Variants in CFAP36 observed in about 807,000 individuals in gnomAD.
The protein encoded by CFAP36 is cilia- and flagella-associated protein 36.
A neutral mutation model predicts 50.5 loss-of-function variants in CFAP36; 37 were observed. The ratio of observed to expected loss-of-function variants is 0.73; its 90% CI spans 0.56 to 0.96. The LOEUF is 0.96. CFAP36 is among the 50% of genes least tolerant of loss of function. CFAP36 has a pLI of 0.00. For synonymous variants in CFAP36, 138 were observed against 128.2 expected (o/e 1.08, Z -0.52); for missense variants, 407 against 396.2 (o/e 1.03, Z -0.23).
intron 4 of CFAP36, chr2:55,531,140 G>T (rs1320122634): frequency 2.0e-5 from 3 of 152,190 alleles, no homozygotes; most frequent in Non-Finnish European, 4.4e-5. Context: ...ATGACATAGT[G>T]CTATTACTTT....
intron 5 of CFAP36, among the ~76,000 whole-genome samples, chr2:55,535,507 G>T (rs1684457295): frequency 1.3e-5 from 2 of 152,158 alleles, no homozygotes; most frequent in African/African-American, 4.8e-5. Context: ...TGTATTTTGT[G>T]TTACTAACTG....
intron 7 of CFAP36, among the ~76,000 whole-genome samples, chr2:55,538,508 G>C (rs571700379): frequency 6.6e-6 from 1 of 152,000 alleles, no homozygotes; most frequent in East Asian, 1.9e-4. Context: ...TGGTCAGGCT[G>C]GTCTCGAACT....
At chr2:55,542,339 C>T (rs959540758) in intron 7 of CFAP36, among the ~76,000 whole-genome samples, 5 of 152,040 alleles carry the variant, frequency 3.3e-5, no homozygotes, top group East Asian at 3.8e-4. Context: ...TTTTCAAATG[C>T]GCATATCTGA....
chr2:55,537,751 C>T (rs1019842973), intron 7 of CFAP36, among the ~76,000 whole-genome samples, 166 bp downstream of exon 7: 14 of 152,172 alleles, frequency 9.2e-5, no homozygotes, highest in Non-Finnish European at 1.5e-4. Context: ...AGGTTGCAGA[C>T]GAGATACTGA....
chr2:55,529,908 C>T (rs146774714), intron 4 of CFAP36, among the ~76,000 whole-genome samples: 1,660 of 152,216 alleles, frequency 0.011, 17 homozygotes, highest in Non-Finnish European at 0.018. Context: ...GGCCTCCCAA[C>T]GTGGCCGGAA....
intron 7 of CFAP36, among the ~76,000 whole-genome samples, chr2:55,538,351 A>G (rs982571069): frequency 4.7e-5 from 7 of 147,394 alleles, no homozygotes; most frequent in African/African-American, 1.5e-4. Flanking sequence ...CTAGAGTGCA[A>G]TGGTGTGATC....
chr2:55,541,470 G>C lies in CFAP36; in HGVS notation c.641-2468G>C, dbSNP rs559100035. Among the ~76,000 whole-genome samples the C allele has an allele frequency of 2.0e-5, 3 of 152,298 alleles. No individual in the cohort carries two copies. In the South Asian group the frequency reaches 6.2e-4, roughly 32 times the overall value. ...ATCTAAGTATTTCATTTTTAGGGGTGCTGTGCTAATGTAAATGGTATTTTT... is the reference window on the plus strand; with the variant it reads ...ATCTAAGTATTTCATTTTTAGGGGTCCTGTGCTAATGTAAATGGTATTTTT... On this transcript the variant is annotated intron_variant, in intron 7 of 9. Transcript: ENST00000349456.
chr2:55,544,263 A>G lies in CFAP36; in HGVS notation c.821A>G (p.His274Arg), dbSNP rs1415384905. 6.2e-7 allele frequency: 1 copy of G among 1,613,960 alleles called. No individual in the cohort carries two copies. Among genetic ancestry groups the G allele is most frequent in the South Asian group, 1.1e-5 (1 of 91,066 alleles). The change falls in exon 9 of 10, where the codon CAC (histidine) becomes CGC (arginine). Residue 274 changes from histidine to arginine, a missense_variant. Coordinates refer to ENST00000349456, the MANE Select transcript of CFAP36 (RefSeq NM_080667.7). ...LGTEELRQRE[H>R]YLKQKRDKLM... is the part of the protein sequence containing the mutation. ...ACAGAAGAACTTCGGCAACGAGAAC[A>G]CTATCTCAAGCAGAAGAGAGATAAG...
chr2:55,524,128 T>C (rs1684141124), intron 3 of CFAP36, among the ~76,000 whole-genome samples: 1 of 152,228 alleles, frequency 6.6e-6, no homozygotes, highest in Non-Finnish European at 1.5e-5. Flanking sequence ...GTTGCTCCTT[T>C]TATAATTTTA....
chr2:55,533,961 G>C lies in CFAP36; in HGVS notation c.485+1G>C, dbSNP rs1293654457. 14 of 1,575,304 alleles carry C rather than the reference G, an allele frequency of 8.9e-6. No individual in the cohort carries two copies. The highest frequency in any genetic ancestry group is 1.2e-5 in the Non-Finnish European group (14 of 1,147,812). ...TGAAAATCCTGAGGGAAGTTCTTAG[G>C]TACCATTCTTTAATTGTTTTTTAAA... On this transcript the variant is annotated splice_donor_variant, in intron 5 of 9. Transcript: ENST00000349456. LOFTEE classifies it high-confidence loss of function.
At chr2:55,524,069 G>GTT (rs1194965873) in intron 3 of CFAP36, among the ~76,000 whole-genome samples, 1 of 152,158 alleles carries the variant, frequency 6.6e-6, no homozygotes, top group Admixed American at 6.6e-5. Flanking sequence ...AGATCACAGG[G>GTT]TTTATACAAA....
At chr2:55,532,194 C>T (rs1026745079) in intron 4 of CFAP36, among the ~76,000 whole-genome samples, 22 of 150,606 alleles carry the variant, frequency 1.5e-4, no homozygotes, top group African/African-American at 5.4e-4. Flanking sequence ...AGAGCAAGAC[C>T]CTGTCTCAAA....
intron 3 of CFAP36, among the ~76,000 whole-genome samples, chr2:55,524,599 T>C (rs1684152777): frequency 6.6e-6 from 1 of 152,152 alleles, no homozygotes; most frequent in South Asian, 2.1e-4. Flanking sequence ...CTTGTGCTAA[T>C]TGATATTTTG....
chr2:55,526,041 A>G (rs1684199768), intron 3 of CFAP36, among the ~76,000 whole-genome samples: 1 of 152,132 alleles, frequency 6.6e-6, no homozygotes, highest in African/African-American at 2.4e-5. Context: ...ATGCGGAGAA[A>G]TCCTCATTAT....
intron 3 of CFAP36, among the ~76,000 whole-genome samples, chr2:55,526,878 A>T (rs2103639730): frequency 6.6e-6 from 1 of 152,296 alleles, no homozygotes; most frequent in Non-Finnish European, 1.5e-5. Context: ...AAATACAAGA[A>T]TTAGCTGGGC....
At chr2:55,531,835 TG>T (rs1479350731) in intron 4 of CFAP36, among the ~76,000 whole-genome samples, 1 of 152,176 alleles carries the variant, frequency 6.6e-6, no homozygotes, top group Non-Finnish European at 1.5e-5. Flanking sequence ...GTCACTCTCC[TG>T]GGATTGGGGA....
chr2:55,522,102 T>G lies in CFAP36; in HGVS notation c.116T>G (p.Val39Gly), dbSNP rs930736827. ...ATGTAATATTTTCTTTTAAATTTAG[T>G]TTTTGATGATGAAGAAGAAAGCAAA... ...ILDFVEQKCEVFDDEEESKLT... is the reference protein window; with the variant it reads ...ILDFVEQKCEGFDDEEESKLT... Residue 39 changes from valine to glycine, a missense_variant and splice_region_variant, in exon 2 of 10, where the codon GTT becomes GGT. Coordinates refer to ENST00000349456, the MANE Select transcript of CFAP36 (RefSeq NM_080667.7). The G allele has an allele frequency of 1.4e-6, 2 of 1,459,572 alleles. No individual in the cohort carries two copies. The highest frequency in any genetic ancestry group is 1.9e-6 in the Non-Finnish European group (2 of 1,056,340). 90.4% of individuals were successfully genotyped at this position (1,459,572 alleles called of 1,614,324 possible).
At position 55,543,935 on chromosome 2, in the gene CFAP36, C is replaced by T; in HGVS notation, c.641-3C>T. On this transcript the variant is annotated splice_region_variant and splice_polypyrimidine_tract_variant and intron_variant, in intron 7 of 9. Transcript: ENST00000349456. ...ATTGCTCTTATTGTCTACTTATTGC[C>T]AGAAGTTAAAATGCATTTTGCTAAT... 2 of 1,610,442 alleles carry T rather than the reference C, an allele frequency of 1.2e-6. No homozygotes were observed. The highest frequency in any genetic ancestry group is 2.2e-5 in the South Asian group (2 of 90,332).
rs554184605 is a variant in CFAP36 at position 55,538,907 on chromosome 2, G to A, written c.640+1322G>A. The A allele has an allele frequency of 1.4e-4, 206 of 1,452,452 alleles. 3 individuals are homozygous for A. In the South Asian group the frequency reaches 2.8e-3, roughly 20 times the overall value. The allele number at this position is 1,452,452 out of a possible 1,614,324, so 90.0% of individuals were successfully genotyped here. A position where few individuals can be genotyped will look rare whatever the true frequency, so the allele number is the denominator to read the frequency against. ...CTTCTATAATTGAGATTAGTGTGATGTTTACCCATTAATTTTTTAATGTAA... is the reference window on the plus strand; with the variant it reads ...CTTCTATAATTGAGATTAGTGTGATATTTACCCATTAATTTTTTAATGTAA... On this transcript the variant is annotated intron_variant, in intron 7 of 9. Coordinates refer to ENST00000349456, the MANE Select transcript of CFAP36 (RefSeq NM_080667.7).
Sources: gnomAD v4.1 joint callset for allele counts (sites outside exome capture counted in the v4.1 genomes callset) on GRCh38, gnomAD v4.1.1 for gene constraint, MANE v1.5 for transcripts, NCBI Gene and HGNC (gene_info 2026-07-23, HGNC 2026-07-21) for gene names.